CCBE1: variants seen among roughly 807,000 people sequenced by gnomAD.
CCBE1 encodes collagen and calcium binding EGF domains 1.
In CCBE1, 37 loss-of-function variants were observed where a neutral mutation model predicts 50.0. The observed-to-expected ratio is 0.74, with a 90% confidence interval of 0.57 to 0.97. The LOEUF (loss-of-function observed/expected upper bound fraction) is 0.97. CCBE1 is among the 50% of genes least tolerant of loss of function. The pLI is 0.00. For synonymous variants in CCBE1, 234 were observed against 203.7 expected, an observed-to-expected ratio of 1.15 and a Z score of -1.27; for missense variants, 538 against 523.8, an observed-to-expected ratio of 1.03 and a Z score of -0.26.
At chr18:59,606,839 G>T (rs1002192609) in intron 2 of CCBE1, among the ~76,000 whole-genome samples, 1 of 152,174 alleles carries the variant, frequency 6.6e-6, no homozygotes, top group African/African-American at 2.4e-5. Flanking sequence ...GCTGTTCAAA[G>T]AAACCTTTTC....
chr18:59,577,009 C>T (rs935218333), intron 2 of CCBE1, among the ~76,000 whole-genome samples: 3 of 152,226 alleles, frequency 2.0e-5, no homozygotes, highest in Non-Finnish European at 4.4e-5. Context: ...TGGTACTAAG[C>T]TAAAGGCCAG....
At chr18:59,454,388 G>A (rs1407457013) in intron 6 of CCBE1, among the ~76,000 whole-genome samples, 1 of 152,092 alleles carries the variant, frequency 6.6e-6, no homozygotes, top group Non-Finnish European at 1.5e-5. Flanking sequence ...GGGATTACAG[G>A]TGCCCACCAC....
chr18:59,493,242 C>T (rs1913194714), intron 2 of CCBE1, among the ~76,000 whole-genome samples: 2 of 152,182 alleles, frequency 1.3e-5, no homozygotes, highest in Non-Finnish European at 1.5e-5. Context: ...TGACAGATCC[C>T]ATTCCTCACA....
chr18:59,676,614 C>T (rs754099052), intron 2 of CCBE1, among the ~76,000 whole-genome samples: 4 of 152,090 alleles, frequency 2.6e-5, no homozygotes, highest in South Asian at 2.1e-4. Context: ...CATCAGGAAC[C>T]GTACTGGACA....
chr18:59,688,190 G>C (rs1003420892), intron 2 of CCBE1: 7 of 151,786 alleles, frequency 4.6e-5, no homozygotes, highest in East Asian at 3.9e-4. Context: ...CTAACATTTC[G>C]GCTAGGTGCG....
intron 2 of CCBE1, among the ~76,000 whole-genome samples, chr18:59,627,062 A>G (rs1027503067): frequency 2.0e-5 from 3 of 151,906 alleles, no homozygotes; most frequent in Admixed American, 1.3e-4. Context: ...CCTTATCACT[A>G]CTCTTTTGAA....
intron 2 of CCBE1, among the ~76,000 whole-genome samples, chr18:59,621,227 A>T (rs930607965): frequency 6.6e-6 from 1 of 152,098 alleles, no homozygotes; most frequent in African/African-American, 2.4e-5. Flanking sequence ...CTCCCCACAC[A>T]CTCACACCAA....
At chr18:59,651,318 T>C (rs1020340480) in intron 2 of CCBE1, among the ~76,000 whole-genome samples, 10 of 152,200 alleles carry the variant, frequency 6.6e-5, no homozygotes, top group African/African-American at 2.4e-4. Context: ...TTGCTGGCAT[T>C]GGAAAATGAG....
At chr18:59,467,505 A>G (rs1181121476) in intron 4 of CCBE1, among the ~76,000 whole-genome samples, 3 of 152,190 alleles carry the variant, frequency 2.0e-5, no homozygotes, top group Non-Finnish European at 1.5e-5. Flanking sequence ...CTGCCTCATC[A>G]AGAACCCAGA....
In CCBE1 at chr18:59,432,586, A is replaced by T. The variant is rs919872185; in HGVS notation, c.*3322T>A. The T allele has an allele frequency of 1.3e-5, 2 of 152,228 alleles. No individual in the cohort carries two copies. Among genetic ancestry groups the T allele is most frequent in the Non-Finnish European group, 2.9e-5 (2 of 68,036 alleles). The allele number at this position is 152,228 out of a possible 1,614,324, so 9.4% of individuals were successfully genotyped here. A position where few individuals can be genotyped will look rare whatever the true frequency, so the allele number is the denominator to read the frequency against. ...TCTTTGAAAAATATGATTTGGGCAT[A>T]AAAAGTACATATCAGTCTTGCAGTA... On this transcript the variant is annotated 3_prime_UTR_variant, in exon 11 of 11. Transcript: ENST00000439986.
chr18:59,669,054 G>C (rs1451258566), intron 2 of CCBE1, among the ~76,000 whole-genome samples: 1 of 151,896 alleles, frequency 6.6e-6, no homozygotes, highest in African/African-American at 2.4e-5. Flanking sequence ...GGCTGGTCTT[G>C]AACTCCTGTG....
chr18:59,545,161 G>A (rs367594424), intron 2 of CCBE1, among the ~76,000 whole-genome samples: 8 of 152,254 alleles, frequency 5.3e-5, no homozygotes, highest in African/African-American at 1.9e-4. Flanking sequence ...GGTATCCACG[G>A]ACCTTCCTGG....
chr18:59,435,674 G>C lies in CCBE1; in HGVS notation c.*234C>G. 1.7e-6 allele frequency: 1 copy of C among 587,502 alleles called. No individual in the cohort carries two copies. Among genetic ancestry groups the C allele is most frequent in the Non-Finnish European group, 3.0e-6 (1 of 330,274 alleles). 36.4% of individuals were successfully genotyped at this position (587,502 alleles called of 1,614,324 possible). A position where few individuals can be genotyped will look rare whatever the true frequency, so the allele number is the denominator to read the frequency against. ...AGTTACAATGCAAACCACCCCAATG[G>C]ACTCTTAGTGAGAAGCAGGTAAATC... On this transcript the variant is annotated 3_prime_UTR_variant, in exon 11 of 11. Transcript: ENST00000439986.
At chr18:59,494,268 C>T (rs1481211033) in intron 2 of CCBE1, among the ~76,000 whole-genome samples, 1 of 152,186 alleles carries the variant, frequency 6.6e-6, no homozygotes, top group Non-Finnish European at 1.5e-5. Context: ...CACTACCAGC[C>T]CTGCCCCTCC....
chr18:59,468,635 C>T (rs997846018), intron 4 of CCBE1, among the ~76,000 whole-genome samples: 6 of 151,708 alleles, frequency 4.0e-5, no homozygotes, highest in African/African-American at 1.4e-4. Flanking sequence ...CCCTAGAGCC[C>T]CTGCTAGGAT....
chr18:59,627,316 GAGAA>G (rs1393862470), intron 2 of CCBE1, among the ~76,000 whole-genome samples: 1 of 152,124 alleles, frequency 6.6e-6, no homozygotes, highest in Non-Finnish European at 1.5e-5. Context: ...TTTACAAAAG[GAGAA>G]AGAAATATGA....
At chr18:59,439,605 C>T in intron 8 of CCBE1, 27 bp from the exon 9 acceptor site, 1 of 1,614,244 alleles carries the variant, frequency 6.2e-7, no homozygotes, top group Non-Finnish European at 8.5e-7. Context: ...TCTGGTTTAA[C>T]CACAGGCAAA....
chr18:59,578,210 C>T (rs1358604047), intron 2 of CCBE1, among the ~76,000 whole-genome samples: 1 of 152,214 alleles, frequency 6.6e-6, no homozygotes, highest in Non-Finnish European at 1.5e-5. Flanking sequence ...AGCTCATCAT[C>T]ACTGGTCATT....
intron 2 of CCBE1, among the ~76,000 whole-genome samples, chr18:59,585,285 T>C (rs986497768): frequency 6.6e-6 from 1 of 152,132 alleles, no homozygotes; most frequent in East Asian, 1.9e-4. Flanking sequence ...TTATCCCCCA[T>C]GTAATCACCT....
Sources: gnomAD v4.1 joint callset for allele counts (sites outside exome capture counted in the v4.1 genomes callset) on GRCh38, gnomAD v4.1.1 for gene constraint, MANE v1.5 for transcripts, NCBI Gene and HGNC (gene_info 2026-07-23, HGNC 2026-07-21) for gene names.